SCFD2: variants seen among roughly 807,000 people sequenced by gnomAD.
SCFD2 encodes the protein sec1 family domain-containing protein 2.
A neutral mutation model predicts 58.9 loss-of-function variants in SCFD2; 54 were observed. The observed-to-expected ratio is 0.92, with a 90% confidence interval of 0.74 to 1.15. SCFD2 has a LOEUF of 1.15. Among genes scored for constraint, SCFD2 ranks in the 50% most tolerant of loss-of-function variants. The pLI is 0.00. For synonymous variants in SCFD2, 321 were observed against 335.9 expected (o/e 0.96, Z 0.49); for missense variants, 805 against 836.6 (o/e 0.96, Z 0.47).
chr4:53,250,752 GAGGGAAATAT>G (rs1163158490), intron 4 of SCFD2, among the ~76,000 whole-genome samples: 14 of 152,218 alleles, frequency 9.2e-5, no homozygotes, highest in Non-Finnish European at 1.2e-4. Context: ...GCAGTGTGTA[GAGGGAAATAT>G]ATAGCACTAA....
At chr4:52,943,462 C>T (rs552917679) in intron 5 of SCFD2, among the ~76,000 whole-genome samples, 11 of 152,064 alleles carry the variant, frequency 7.2e-5, no homozygotes, top group Non-Finnish European at 1.2e-4. Flanking sequence ...CTTCACAGGG[C>T]GGAACCAGGT....
chr4:53,305,968 T>C (rs1409570814), intron 3 of SCFD2, among the ~76,000 whole-genome samples: 1 of 152,198 alleles, frequency 6.6e-6, no homozygotes, highest in African/African-American at 2.4e-5. Context: ...ATTAATTCCG[T>C]AAACATTTCT....
At chr4:53,315,923 G>A (rs1280050356) in intron 2 of SCFD2, among the ~76,000 whole-genome samples, 2 of 152,134 alleles carry the variant, frequency 1.3e-5, no homozygotes, top group Admixed American at 1.3e-4. Context: ...TCCGCAGTCA[G>A]ATAAATCTGG....
intron 4 of SCFD2, among the ~76,000 whole-genome samples, chr4:53,244,952 A>G (rs1316628323): frequency 6.6e-6 from 1 of 152,102 alleles, no homozygotes; most frequent in Non-Finnish European, 1.5e-5. Flanking sequence ...AGAAATTCAA[A>G]TAACAATCAG....
intron 7 of SCFD2, among the ~76,000 whole-genome samples, chr4:52,900,450 A>G (rs1416000234): frequency 6.6e-6 from 1 of 152,212 alleles, no homozygotes; most frequent in East Asian, 1.9e-4. Context: ...TGGCTGCAGA[A>G]CAGTGGATAT....
intron 2 of SCFD2, among the ~76,000 whole-genome samples, chr4:53,318,480 T>C (rs1272767733): frequency 6.6e-6 from 1 of 152,200 alleles, no homozygotes; most frequent in East Asian, 1.9e-4. Context: ...AGCAGGACTC[T>C]ACCTAACCCA....
intron 5 of SCFD2, among the ~76,000 whole-genome samples, chr4:52,962,734 C>T (rs79301893): frequency 0.036 from 5,495 of 152,246 alleles, 126 homozygotes; most frequent in Admixed American, 0.061. Flanking sequence ...TTCTTGCCTC[C>T]CTGTCCGTCT....
At chr4:53,241,300 C>A (rs1729884938) in intron 4 of SCFD2, among the ~76,000 whole-genome samples, 1 of 152,182 alleles carries the variant, frequency 6.6e-6, no homozygotes, top group South Asian at 2.1e-4. Context: ...GACAGAGATA[C>A]CCATCCCCTA....
chr4:53,184,990 A>G (rs997531909), intron 4 of SCFD2, among the ~76,000 whole-genome samples: 19 of 152,124 alleles, frequency 1.2e-4, no homozygotes, highest in African/African-American at 4.3e-4. Flanking sequence ...AACAAATAAA[A>G]TATAAAAATA....
intron 5 of SCFD2, among the ~76,000 whole-genome samples, chr4:53,011,737 G>A (rs1349354089): frequency 6.6e-6 from 1 of 152,174 alleles, no homozygotes; most frequent in Non-Finnish European, 1.5e-5. Flanking sequence ...ACACCTCACT[G>A]TGAAACGCTT....
Position 53,247,294 on chromosome 4 carries a change from C to G in SCFD2, c.1311+26532G>C, listed in dbSNP as rs555015741. Among the ~76,000 whole-genome samples, 4 of 152,296 alleles carry G rather than the reference C, an allele frequency of 2.6e-5. No homozygotes were observed. The South Asian group carries it at 8.3e-4, about 32-fold the overall frequency. ...GTGCAGAAAATGGAACACTTGTACA[C>G]TGTAGGTGGGAGTGTAAATTCGTTC... On this transcript the variant is annotated intron_variant, in intron 4 of 8. Transcript: ENST00000401642.
At chr4:53,135,741 A>C (rs1388405728) in intron 5 of SCFD2, among the ~76,000 whole-genome samples, 1 of 146,554 alleles carries the variant, frequency 6.8e-6, no homozygotes, top group Admixed American at 6.8e-5. Context: ...ACTCCATCTC[A>C]AAAAAAAAAA....
Position 53,352,685 on chromosome 4 carries a change from A to C in SCFD2, c.920T>G (p.Val307Gly). The change falls in exon 2 of 9, where the codon GTG (valine) becomes GGG (glycine). Residue 307 changes from valine to glycine, a missense_variant. Physicochemically the swap from Val to Gly is moderately radical, Grantham distance 109. Transcript: ENST00000401642. ...AGTGAGCGCTATCATGTTAACCATC[A>C]CATCATTTGTGTGGCCTGGGAGCTG... The part of the protein sequence containing the change: ...LPQLPGHTND[V>G]MVNMIALTAL... The C allele has an allele frequency of 6.2e-7, 1 of 1,614,012 alleles. No individual in the cohort carries two copies. Among genetic ancestry groups the C allele is most frequent in the Non-Finnish European group, 8.5e-7 (1 of 1,179,910 alleles).
intron 3 of SCFD2, among the ~76,000 whole-genome samples, chr4:53,275,852 TTAG>T (rs1418719564): frequency 1.3e-5 from 2 of 152,202 alleles, no homozygotes; most frequent in African/African-American, 4.8e-5. Flanking sequence ...GCTGCTTGTA[TTAG>T]TAGTTTGCTC....
intron 5 of SCFD2, among the ~76,000 whole-genome samples, chr4:53,118,819 C>T (rs1422081330): frequency 6.6e-6 from 1 of 152,020 alleles, no homozygotes; most frequent in Non-Finnish European, 1.5e-5. Context: ...TCTATTCCCT[C>T]TTATAATCTA....
At chr4:52,947,301 G>T (rs544664330) in intron 5 of SCFD2, among the ~76,000 whole-genome samples, 2 of 152,046 alleles carry the variant, frequency 1.3e-5, no homozygotes, top group Non-Finnish European at 2.9e-5. Context: ...TATTTAGAGC[G>T]AGCTCCGGCC....
intron 5 of SCFD2, among the ~76,000 whole-genome samples, chr4:53,025,424 A>G (rs928631133): frequency 6.6e-6 from 1 of 152,218 alleles, no homozygotes; most frequent in African/African-American, 2.4e-5. Context: ...AAACACATCA[A>G]AGAAAACATA....
At chr4:52,878,077 C>T (rs1222105947) in intron 8 of SCFD2, among the ~76,000 whole-genome samples, 24 of 152,178 alleles carry the variant, frequency 1.6e-4, no homozygotes, top group Admixed American at 1.5e-3. Context: ...GCATCACTCC[C>T]CACAGAAAGC....
At chr4:53,304,828 A>C (rs1159853096) in intron 3 of SCFD2, among the ~76,000 whole-genome samples, 1 of 151,966 alleles carries the variant, frequency 6.6e-6, no homozygotes, top group Non-Finnish European at 1.5e-5. Flanking sequence ...TACTTCTGTC[A>C]ATTTGTCAAA....
Sources: allele counts gnomAD v4.1 joint callset (sites outside exome capture counted in the v4.1 genomes callset), GRCh38; gene constraint gnomAD v4.1.1; transcripts MANE v1.5; gene names NCBI Gene and HGNC (gene_info 2026-07-23, HGNC 2026-07-21).